The following AGBL1 variants were observed in gnomAD, a reference collection of about 807,000 sequenced individuals.
The protein encoded by AGBL1 is cytosolic carboxypeptidase 4.
A neutral mutation model predicts 118.9 loss-of-function variants in AGBL1; 130 were observed. The observed-to-expected ratio is 1.09, with a 90% CI of 0.95 to 1.26. AGBL1 has a LOEUF of 1.26. Ranked by LOEUF, AGBL1 falls within the 50% of genes most tolerant of loss-of-function variation. The pLI is 0.00. For synonymous variants in AGBL1, 555 were observed against 478.9 expected, an observed-to-expected ratio of 1.16 and a Z score of -2.08; for missense variants, 1,584 against 1,298.1, an observed-to-expected ratio of 1.22 and a Z score of -3.38.
intron 6 of AGBL1, among the ~76,000 whole-genome samples, chr15:86,239,760 C>T (rs1007633267): frequency 6.6e-6 from 1 of 152,204 alleles, no homozygotes; most frequent in African/African-American, 2.4e-5. Flanking sequence ...ACTCTTCAAG[C>T]ACCGCAGGCT....
chr15:86,459,167 C>T (rs945691367), intron 18 of AGBL1, among the ~76,000 whole-genome samples: 2 of 152,128 alleles, frequency 1.3e-5, no homozygotes, highest in Non-Finnish European at 2.9e-5. Context: ...GTGTAATAGG[C>T]TCCCTTGAAT....
At chr15:86,251,338 C>T (rs1197566489) in intron 7 of AGBL1, among the ~76,000 whole-genome samples, 2 of 152,132 alleles carry the variant, frequency 1.3e-5, no homozygotes, top group Non-Finnish European at 2.9e-5. Flanking sequence ...GGAGGGGTCA[C>T]TGAAGCAGAG....
intron 22 of AGBL1, among the ~76,000 whole-genome samples, chr15:86,754,023 A>T (rs990476173): frequency 6.6e-6 from 1 of 152,104 alleles, no homozygotes; most frequent in African/African-American, 2.4e-5. Flanking sequence ...AGAAACCTAA[A>T]TCAGGAAACT....
intron 6 of AGBL1, among the ~76,000 whole-genome samples, chr15:86,225,909 T>A (rs150976049): frequency 4.7e-4 from 72 of 152,354 alleles, no homozygotes; most frequent in Middle Eastern, 6.8e-3. Context: ...TGTTTCCCTT[T>A]ATAGGCTTAG....
chr15:86,196,879 G>GCGCGCGCGCGCGCACACACA (rs756313941), intron 5 of AGBL1, among the ~76,000 whole-genome samples: 2 of 116,960 alleles, frequency 1.7e-5, no homozygotes, highest in African/African-American at 7.2e-5. Context: ...GCGCGCGCGC[G>GCGCGCGCGCGCGCACACACA]CACACACACA....
chr15:86,442,608 T>G (rs1025735072), intron 18 of AGBL1, among the ~76,000 whole-genome samples: 5 of 152,208 alleles, frequency 3.3e-5, no homozygotes, highest in Non-Finnish European at 4.4e-5. Context: ...TCCACCATTG[T>G]GGCTCAAGGA....
intron 22 of AGBL1, among the ~76,000 whole-genome samples, chr15:86,751,146 G>T (rs1367766888): frequency 6.6e-6 from 1 of 152,028 alleles, no homozygotes; most frequent in Non-Finnish European, 1.5e-5. Flanking sequence ...ATTCAGTAAT[G>T]GGATTGCTGG....
chr15:86,690,932 AATTGT>A (rs1278080352), intron 22 of AGBL1, among the ~76,000 whole-genome samples: 1 of 152,162 alleles, frequency 6.6e-6, no homozygotes, highest in East Asian at 1.9e-4. Context: ...TATTGTTCAT[AATTGT>A]ATTATTAATC....
chr15:86,600,182 C>T (rs1042343760), intron 21 of AGBL1, among the ~76,000 whole-genome samples: 4 of 152,046 alleles, frequency 2.6e-5, no homozygotes, highest in Non-Finnish European at 5.9e-5. Flanking sequence ...GAAATAGGTT[C>T]GGAGGAAGTT....
rs12594093 is a variant in AGBL1, at chr15:86,990,928, T to C, written c.3323+2840T>C. Among the ~76,000 whole-genome samples, 8 of 152,126 alleles carry C rather than the reference T, an allele frequency of 5.3e-5. No homozygotes were observed. In the East Asian group the frequency reaches 1.5e-3, roughly 29 times the overall value. The stretch of plus-strand genomic sequence containing the variant: ...GCTTTATCTGGCTATGATTCTAGGG[T>C]ATGTTTCTTAGGATAGAAATCTCCA... On this transcript the variant is annotated intron_variant, in intron 24 of 24. Transcript: ENST00000441037.
At chr15:86,590,327 G>T (rs2084316693) in intron 21 of AGBL1, among the ~76,000 whole-genome samples, 2 of 152,146 alleles carry the variant, frequency 1.3e-5, no homozygotes, top group South Asian at 2.1e-4. Context: ...AGTCATGGGG[G>T]TGGTTACCCT....
At chr15:86,648,585 C>T (rs1044353798) in intron 21 of AGBL1, among the ~76,000 whole-genome samples, 2 of 152,184 alleles carry the variant, frequency 1.3e-5, no homozygotes, top group African/African-American at 4.8e-5. Flanking sequence ...GTAGTAATGT[C>T]AAGTCCTTAG....
intron 22 of AGBL1, among the ~76,000 whole-genome samples, chr15:86,690,201 T>A (rs941242546): frequency 6.6e-6 from 1 of 152,174 alleles, no homozygotes; most frequent in East Asian, 1.9e-4. Context: ...AATAGCTCTG[T>A]AATGAAATTA....
intron 22 of AGBL1, among the ~76,000 whole-genome samples, chr15:86,773,623 G>A (rs1452786391): frequency 1.3e-5 from 2 of 149,866 alleles, no homozygotes; most frequent in Admixed American, 1.3e-4. Flanking sequence ...TGTTGAACAT[G>A]TACCCTAAAA....
At chr15:86,172,256 C>T (rs1341020504) in intron 5 of AGBL1, among the ~76,000 whole-genome samples, 2 of 152,188 alleles carry the variant, frequency 1.3e-5, no homozygotes, top group Admixed American at 6.5e-5. Flanking sequence ...AGTAATTATA[C>T]ATGTTTATAG....
chr15:86,924,059 G>C (rs2080507024), intron 23 of AGBL1, among the ~76,000 whole-genome samples: 1 of 152,324 alleles, frequency 6.6e-6, no homozygotes, highest in Admixed American at 6.5e-5. Context: ...TTGCCCACAA[G>C]TTTTAAGTTA....
In AGBL1 at chr15:86,166,642, G is replaced by T. The variant is rs145819468; in HGVS notation, c.488+7616G>T. On this transcript the variant is annotated intron_variant, in intron 5 of 22. Transcript: ENST00000614907. ...GTGAACCAGATTCCTTCAGGAGGAG[G>T]AGCTCAGGAACTCATCCTGCGTGTG... Among the ~76,000 whole-genome samples, 11 of 152,294 alleles carry T rather than the reference G, an allele frequency of 7.2e-5. No homozygotes were observed. The East Asian group carries it at 2.1e-3, about 29-fold the overall frequency.
chr15:86,672,300 C>A (rs544825282), intron 21 of AGBL1, among the ~76,000 whole-genome samples: 1 of 152,288 alleles, frequency 6.6e-6, no homozygotes, highest in South Asian at 2.1e-4. Context: ...ACATCTGGGG[C>A]ATCAAATTTT....
chr15:86,702,917 T>G (rs2086385250), intron 22 of AGBL1, among the ~76,000 whole-genome samples: 1 of 152,010 alleles, frequency 6.6e-6, no homozygotes, highest in Non-Finnish European at 1.5e-5. Flanking sequence ...AGGAAGCAAG[T>G]GTAGATGGAA....
Sources: allele counts gnomAD v4.1 joint callset (sites outside exome capture counted in the v4.1 genomes callset), GRCh38; gene constraint gnomAD v4.1.1; transcripts MANE v1.5; gene names NCBI Gene and HGNC (gene_info 2026-07-23, HGNC 2026-07-21).